COG3: variants seen among roughly 807,000 people sequenced by gnomAD.
COG3 encodes component of oligomeric golgi complex 3.
In COG3, 32 loss-of-function variants were observed where a neutral mutation model predicts 114.1. The ratio of observed to expected loss-of-function variants is 0.28; its 90% CI spans 0.21 to 0.38. The LOEUF (loss-of-function observed/expected upper bound fraction) is 0.38, where lower values mean the gene tolerates loss of function less well. COG3 is among the 10% of genes least tolerant of loss of function. COG3 has a pLI of 1.00. For missense variants in COG3, 813 were observed against 973.2 expected (o/e 0.84, Z 2.19); for synonymous variants, 352 against 365.7 (o/e 0.96, Z 0.43).
chr13:45,522,415 A>G (rs763329561), intron 19 of COG3, among the ~76,000 whole-genome samples: 1 of 152,162 alleles, frequency 6.6e-6, no homozygotes, highest in Non-Finnish European at 1.5e-5. Context: ...CTTGTTGTTT[A>G]TGTAGCTTCT....
rs562535719 is a variant in COG3 at position 45,492,069 on chromosome 13, T to G, written c.1096-90T>G. On this transcript the variant is annotated intron_variant, in intron 10 of 22. Transcript: ENST00000349995. The stretch of plus-strand genomic sequence containing the variant: ...TTGTTTTAAGAGTGTGTATGTGTTA[T>G]CTCTGCACATAAAGTGTAGGCTTTA... 5.2e-6 allele frequency: 4 copies of G among 763,682 alleles called. No individual in the cohort carries two copies. In the East Asian group the frequency reaches 1.1e-4, roughly 21 times the overall value. 47.3% of individuals were successfully genotyped at this position (763,682 alleles called of 1,614,324 possible).
intron 17 of COG3, 36 bp downstream of exon 17, chr13:45,516,299 T>C (rs750364554): frequency 1.3e-6 from 2 of 1,544,398 alleles, no homozygotes; most frequent in Non-Finnish European, 1.8e-6. Flanking sequence ...CTTGGGTGTG[T>C]TTGATCTGTC....
intron 22 of COG3, among the ~76,000 whole-genome samples, chr13:45,532,879 G>GC (rs544155435): frequency 1.4e-4 from 21 of 151,124 alleles, no homozygotes; most frequent in Admixed American, 9.2e-4. Context: ...AGGGTAACTT[G>GC]TTTTTTTTTA....
chr13:45,506,728 A>G (rs34973279), intron 14 of COG3, among the ~76,000 whole-genome samples: 8,196 of 152,260 alleles, frequency 0.054, 269 homozygotes, highest in East Asian at 0.1. Context: ...GAGCAAAACC[A>G]AAAAGAATAG....
chr13:45,474,226 C>T (rs1376614654), intron 1 of COG3, among the ~76,000 whole-genome samples: 3 of 140,992 alleles, frequency 2.1e-5, no homozygotes, highest in Admixed American at 7.2e-5. Flanking sequence ...GGCTCGATCT[C>T]GGCTCACTGC....
In COG3 at chr13:45,516,144, C is replaced by T. The variant is rs779948139; in HGVS notation, c.1811C>T (p.Thr604Ile). 2 of 1,559,300 alleles carry T rather than the reference C, an allele frequency of 1.3e-6. No homozygotes were observed. The highest frequency in any genetic ancestry group is 3.5e-5 in the Admixed American group (2 of 57,472). The change falls in exon 17 of 23, where the codon ACT (threonine) becomes ATT (isoleucine). Residue 604 changes from threonine (T) to isoleucine (I), a missense_variant and splice_region_variant. Thr to Ile is a moderately conservative substitution (Grantham distance 89). Transcript: ENST00000349995. ...GASESISKNKTQIDGQLFLIK... is the reference protein window; with the variant it reads ...GASESISKNKIQIDGQLFLIK... The stretch of plus-strand genomic sequence containing the variant: ...CCATTTTTCTGTCTTATAATTTAGA[C>T]TCAGATTGATGGACAACTTTTCTTA...
At chr13:45,500,233 A>T (rs949594337) in intron 13 of COG3, among the ~76,000 whole-genome samples, 16 of 152,106 alleles carry the variant, frequency 1.1e-4, no homozygotes, top group Non-Finnish European at 1.6e-4. Context: ...AACGTGTTTT[A>T]AAAAAATATA....
chr13:45,479,061 A>G lies in COG3; in HGVS notation c.378A>G (p.Lys126=). 1.2e-6 allele frequency: 2 copies of G among 1,604,638 alleles called. No individual in the cohort carries two copies. The highest frequency in any genetic ancestry group is 1.7e-6 in the Non-Finnish European group (2 of 1,174,206). Residue 126 remains lysine, a synonymous_variant, in exon 3 of 23, where the codon AAA becomes AAG. Coordinates refer to ENST00000349995, the MANE Select transcript of COG3 (RefSeq NM_031431.4). The part of the protein sequence containing the change: ...QTQMDQDEGT[K]YRQMRDYLSG... ...AGATGGATCAAGATGAAGGAACTAA[A>G]TATAGGTATGTGTGTCTCTTGCATT...
At chr13:45,528,865 A>G (rs1020426542) in intron 20 of COG3, among the ~76,000 whole-genome samples, 2 of 152,186 alleles carry the variant, frequency 1.3e-5, no homozygotes, top group African/African-American at 2.4e-5. Context: ...CTGTATACTC[A>G]TATCTTGGTA....
intron 20 of COG3, among the ~76,000 whole-genome samples, chr13:45,525,890 CAGTG>C (rs1316573820): frequency 6.6e-6 from 1 of 151,420 alleles, no homozygotes; most frequent in Non-Finnish European, 1.5e-5. Context: ...GCTTTCCACT[CAGTG>C]AGAGAGATCC....
intron 1 of COG3, 79 bp from the exon 2 acceptor site, chr13:45,476,122 G>A: frequency 7.4e-7 from 1 of 1,354,376 alleles, no homozygotes; most frequent in South Asian, 1.2e-5. Flanking sequence ...CAAAACAACT[G>A]AGATGGAAAC....
At chr13:45,468,229 T>G (rs965948483) in intron 1 of COG3, among the ~76,000 whole-genome samples, 1 of 152,262 alleles carries the variant, frequency 6.6e-6, no homozygotes, top group Non-Finnish European at 1.5e-5. Context: ...TTATCTTTTC[T>G]AAGCCTTAAT....
At chr13:45,515,170 G>A (rs941748297) in intron 16 of COG3, among the ~76,000 whole-genome samples, 8 of 152,152 alleles carry the variant, frequency 5.3e-5, no homozygotes, top group African/African-American at 1.9e-4. Flanking sequence ...AATAGAGCAA[G>A]TATTTAAAAT....
At chr13:45,523,481 A>T (rs1368462458) in intron 19 of COG3, among the ~76,000 whole-genome samples, 1 of 152,194 alleles carries the variant, frequency 6.6e-6, no homozygotes, top group East Asian at 1.9e-4. Context: ...AGGAATTTTT[A>T]AAAAGATGGG....
chr13:45,471,799 C>A (rs973758791), intron 1 of COG3, among the ~76,000 whole-genome samples: 2 of 151,564 alleles, frequency 1.3e-5, no homozygotes, highest in Non-Finnish European at 2.9e-5. Context: ...ATGGCGCGAT[C>A]TCGGCTCACT....
chr13:45,502,838 T>C (rs1869694915), intron 13 of COG3, among the ~76,000 whole-genome samples: 1 of 152,196 alleles, frequency 6.6e-6, no homozygotes, highest in Non-Finnish European at 1.5e-5. Flanking sequence ...CTGGCCATTC[T>C]TTTTGACAGT....
At chr13:45,504,961 C>T (rs541977328) in intron 14 of COG3, among the ~76,000 whole-genome samples, 16 of 151,980 alleles carry the variant, frequency 1.1e-4, no homozygotes, top group Non-Finnish European at 2.1e-4. Context: ...CTGAGGTGGG[C>T]GGATCACCTG....
chr13:45,492,748 A>T (rs1159746086), intron 11 of COG3, among the ~76,000 whole-genome samples: 1 of 152,182 alleles, frequency 6.6e-6, no homozygotes, highest in Non-Finnish European at 1.5e-5. Flanking sequence ...TGTAATGAGG[A>T]AGAGAAAAGT....
chr13:45,473,474 A>G (rs1374237103), intron 1 of COG3, among the ~76,000 whole-genome samples: 1 of 152,188 alleles, frequency 6.6e-6, no homozygotes, highest in Non-Finnish European at 1.5e-5. Context: ...GATATAATCT[A>G]AACAGTGCTG....
Sources: allele counts gnomAD v4.1 joint callset (sites outside exome capture counted in the v4.1 genomes callset), GRCh38; gene constraint gnomAD v4.1.1; transcripts MANE v1.5; gene names NCBI Gene and HGNC (gene_info 2026-07-23, HGNC 2026-07-21).